Variants in CEP89 observed in about 807,000 individuals in gnomAD.
CEP89 encodes centrosomal protein of 89 kDa.
A neutral mutation model predicts 97.6 loss-of-function variants in CEP89; 95 were observed. That is an observed-to-expected ratio of 0.97 (90% CI 0.82 to 1.15). The LOEUF is 1.15. CEP89 is among the 50% of genes most tolerant of loss of function. The pLI, the probability that CEP89 is intolerant of heterozygous loss-of-function variation, is 0.00. For synonymous variants in CEP89, 354 were observed against 349.1 expected (o/e 1.01, Z -0.16); for missense variants, 869 against 947.7 (o/e 0.92, Z 1.09).
At chr19:32,889,454 A>G (rs1969468132) in intron 16 of CEP89, among the ~76,000 whole-genome samples, 1 of 152,220 alleles carries the variant, frequency 6.6e-6, no homozygotes, top group South Asian at 2.1e-4. Context: ...TAAACTTGAC[A>G]GCCAGGCCAT....
intron 16 of CEP89, among the ~76,000 whole-genome samples, chr19:32,890,549 G>A (rs2081094): frequency 0.71 from 108,587 of 152,010 alleles, 39,541 homozygotes; most frequent in Non-Finnish European, 0.79. Context: ...GGAGACCACG[G>A]GAACTCGACA....
chr19:32,930,011 CT>C (rs1427570635), intron 9 of CEP89, among the ~76,000 whole-genome samples: 1 of 148,266 alleles, frequency 6.7e-6, no homozygotes, highest in Non-Finnish European at 1.5e-5. Context: ...ATGACACTTC[CT>C]TTTTTTTCCT....
At chr19:32,919,968 A>G (rs1599740717) in intron 12 of CEP89, among the ~76,000 whole-genome samples, 1 of 151,952 alleles carries the variant, frequency 6.6e-6, no homozygotes, top group East Asian at 1.9e-4. Context: ...AATTTATAAG[A>G]CTTTTTCTTT....
At chr19:32,885,226 A>G (rs1969369246) in intron 17 of CEP89, among the ~76,000 whole-genome samples, 1 of 152,206 alleles carries the variant, frequency 6.6e-6, no homozygotes, top group South Asian at 2.1e-4. Context: ...CAATTCTATC[A>G]GCCTTATTCC....
At chr19:32,890,647 TC>T (rs1299351306) in intron 16 of CEP89, among the ~76,000 whole-genome samples, 1 of 151,824 alleles carries the variant, frequency 6.6e-6, no homozygotes, top group Non-Finnish European at 1.5e-5. Context: ...CTGGAGAGGC[TC>T]CCCTGTGTCG....
At chr19:32,921,000 C>G (rs1970235521) in intron 12 of CEP89, among the ~76,000 whole-genome samples, 1 of 151,548 alleles carries the variant, frequency 6.6e-6, no homozygotes, top group Non-Finnish European at 1.5e-5. Flanking sequence ...GGCAGATCAC[C>G]TGAGGTCAGG....
At chr19:32,949,524 C>T (rs1463397973) in intron 4 of CEP89, among the ~76,000 whole-genome samples, 1 of 152,128 alleles carries the variant, frequency 6.6e-6, no homozygotes, top group African/African-American at 2.4e-5. Context: ...GCTAGGACTA[C>T]AAGCGTATGA....
chr19:32,881,389 A>C (rs967454226), intron 18 of CEP89, among the ~76,000 whole-genome samples: 1 of 151,936 alleles, frequency 6.6e-6, no homozygotes, highest in African/African-American at 2.4e-5. Flanking sequence ...AAATGAAACA[A>C]AACTGGCTCA....
At chr19:32,960,132 CT>C in intron 2 of CEP89, 74 bp from the exon 3 acceptor site, 1 of 1,498,872 alleles carries the variant, frequency 6.7e-7, no homozygotes, top group Non-Finnish European at 9.2e-7. Flanking sequence ...GGTACATAAA[CT>C]CATCAAGGCT....
intron 14 of CEP89, among the ~76,000 whole-genome samples, chr19:32,907,149 C>G (rs888104684): frequency 6.6e-6 from 1 of 152,320 alleles, no homozygotes. Flanking sequence ...CACTTGAGAA[C>G]AGGAGTCCAA....
chr19:32,953,255 C>T (rs1278589413), intron 4 of CEP89, among the ~76,000 whole-genome samples: 4 of 150,998 alleles, frequency 2.6e-5, no homozygotes, highest in African/African-American at 9.7e-5. Flanking sequence ...ACACGCATGA[C>T]GATCTTCCCC....
chr19:32,937,687 A>G lies in CEP89; in HGVS notation c.625-14T>C, dbSNP rs1225206642. The G allele has an allele frequency of 1.7e-5, 27 of 1,596,262 alleles. 1 individual carries two copies. In the African/African-American group the frequency reaches 1.9e-4, roughly 11 times the overall value. Reference sequence around the variant, plus strand: ...AGGTTTTTCATCCTAGGAAAGAAAGAACATAAGAGGAATAAGTGCAGAGCA... The same window carrying G: ...AGGTTTTTCATCCTAGGAAAGAAAGGACATAAGAGGAATAAGTGCAGAGCA... On this transcript the variant is annotated splice_polypyrimidine_tract_variant and intron_variant, in intron 6 of 18. Coordinates refer to ENST00000305768, the MANE Select transcript of CEP89 (RefSeq NM_032816.5).
intron 3 of CEP89, among the ~76,000 whole-genome samples, chr19:32,958,146 T>C (rs1971090008): frequency 6.6e-6 from 1 of 151,866 alleles, no homozygotes; most frequent in South Asian, 2.1e-4. Flanking sequence ...TTTTAGTTTT[T>C]ACTCAGCCAA....
intron 7 of CEP89, among the ~76,000 whole-genome samples, chr19:32,935,185 G>A (rs768240901): frequency 1.3e-5 from 2 of 152,178 alleles, no homozygotes; most frequent in Non-Finnish European, 2.9e-5. Flanking sequence ...GGATCCCGGT[G>A]GGCCTCACAT....
rs757224289 is a variant in CEP89, at chr19:32,933,629, G to A, written c.708C>T (p.Thr236=). 6.2e-7 allele frequency: 1 copy of A among 1,612,622 alleles called. No individual in the cohort carries two copies. Among genetic ancestry groups the A allele is most frequent in the East Asian group, 2.2e-5 (1 of 44,874 alleles). ...CTTTTAATGCCTCAAACTTTTCTCT[G>A]GTTATTTCTGTATATCTTTGACGTG... ...GRARQRYTEI[T]REKFEALKEE... The change falls in exon 8 of 19, where the codon ACC becomes ACT. Residue 236 remains threonine (T), a synonymous_variant. Transcript: ENST00000305768.
chr19:32,929,953 T>C (rs1288406401), intron 9 of CEP89, among the ~76,000 whole-genome samples: 6 of 151,702 alleles, frequency 4.0e-5, no homozygotes, highest in Non-Finnish European at 8.8e-5. Flanking sequence ...GGGGCTGAGC[T>C]GGAGGAATTG....
intron 12 of CEP89, among the ~76,000 whole-genome samples, chr19:32,921,645 G>A (rs1022718290): frequency 2.0e-5 from 3 of 152,228 alleles, no homozygotes; most frequent in African/African-American, 7.2e-5. Context: ...TGCTAGGGAA[G>A]GAATCTGGGG....
chr19:32,929,795 A>C (rs1474263873), intron 9 of CEP89, among the ~76,000 whole-genome samples: 1 of 152,186 alleles, frequency 6.6e-6, no homozygotes, highest in Non-Finnish European at 1.5e-5. Flanking sequence ...TAGGACCCTA[A>C]GAACTTTATT....
rs370068432 is a variant in CEP89 at position 32,952,529 on chromosome 19, T to C, written c.492+1086A>G. ...TATAGTAGGGGCTAATTAATATACA[T>C]ATAATCAATACCGGTGTAGCTTAAT... is the stretch of plus-strand genomic sequence containing the variant. On this transcript the variant is annotated intron_variant, in intron 4 of 18. Coordinates refer to ENST00000305768, the MANE Select transcript of CEP89 (RefSeq NM_032816.5). 1.5e-4 allele frequency among the ~76,000 whole-genome samples: 23 copies of C among 151,196 alleles called. No homozygotes were observed. The East Asian group carries it at 4.5e-3, about 30-fold the overall frequency.
Sources: allele counts gnomAD v4.1 joint callset (sites outside exome capture counted in the v4.1 genomes callset), GRCh38; gene constraint gnomAD v4.1.1; transcripts MANE v1.5; gene names NCBI Gene and HGNC (gene_info 2026-07-23, HGNC 2026-07-21).